ITM2B: variants seen among roughly 807,000 people sequenced by gnomAD.
The protein encoded by ITM2B is integral membrane protein 2B.
In ITM2B, 11 loss-of-function variants were observed where a neutral mutation model predicts 27.8. The observed-to-expected ratio is 0.40, with a 90% confidence interval of 0.25 to 0.66. The LOEUF is 0.66. Ranked by LOEUF, ITM2B falls within the 30% of genes least tolerant of loss-of-function variation. The pLI is 0.43. For missense variants in ITM2B, 296 were observed against 328.9 expected (o/e 0.90, Z 0.77); for synonymous variants, 114 against 114.3 (o/e 1.00, Z 0.02).
At position 48,264,571 on chromosome 13, in the gene ITM2B, G is replaced by A. The variant is rs1348525918; in HGVS notation, c.*3347G>A. 1 of 152,110 alleles carries A rather than the reference G, an allele frequency of 6.6e-6. No homozygotes were observed. The highest frequency in any genetic ancestry group is 1.5e-5 in the Non-Finnish European group (1 of 68,018). 9.4% of individuals were successfully genotyped at this position (152,110 alleles called of 1,614,324 possible). A position where few individuals can be genotyped will look rare whatever the true frequency, so the allele number is the denominator to read the frequency against. The stretch of plus-strand genomic sequence containing the variant: ...TACTAGACATCTTCTCTTCCACCTA[G>A]CAAAGAGTTTGTTGCCCAGAGTTAT... On this transcript the variant is annotated 3_prime_UTR_variant, in exon 6 of 6. Coordinates refer to ENST00000647800, the MANE Select transcript of ITM2B (RefSeq NM_021999.5).
chr13:48,251,292 T>C (rs1951754528), intron 1 of ITM2B, among the ~76,000 whole-genome samples: 1 of 152,220 alleles, frequency 6.6e-6, no homozygotes, highest in African/African-American at 2.4e-5. Context: ...GCTGAGGTAA[T>C]GAGTATTTGT....
At chr13:48,242,457 C>G (rs1180387832) in intron 1 of ITM2B, among the ~76,000 whole-genome samples, 1 of 151,558 alleles carries the variant, frequency 6.6e-6, no homozygotes, top group Non-Finnish European at 1.5e-5. Flanking sequence ...TTTTCTATTC[C>G]AGACTGGTTG....
At position 48,261,253 on chromosome 13, in the gene ITM2B, A is replaced by G; in HGVS notation, c.*29A>G. On this transcript the variant is annotated 3_prime_UTR_variant, in exon 6 of 6. Transcript: ENST00000647800. ...GTCAAGAAAAACATTATTGAGGAAAATTAATATCACAGCATAACCCCACCC... is the reference window on the plus strand; with the variant it reads ...GTCAAGAAAAACATTATTGAGGAAAGTTAATATCACAGCATAACCCCACCC... The G allele has an allele frequency of 6.9e-7, 1 of 1,446,610 alleles. No individual in the cohort carries two copies. Among genetic ancestry groups the G allele is most frequent in the South Asian group, 1.1e-5 (1 of 87,246 alleles). 89.6% of individuals were successfully genotyped at this position (1,446,610 alleles called of 1,614,324 possible). A position where few individuals can be genotyped will look rare whatever the true frequency, so the allele number is the denominator to read the frequency against.
intron 1 of ITM2B, among the ~76,000 whole-genome samples, chr13:48,248,129 AC>A (rs1291764440): frequency 6.6e-6 from 1 of 152,160 alleles, no homozygotes; most frequent in African/African-American, 2.4e-5. Flanking sequence ...CACACAAAAT[AC>A]AGAGAACCTG....
At chr13:48,246,823 T>A (rs1292521383) in intron 1 of ITM2B, among the ~76,000 whole-genome samples, 1 of 151,798 alleles carries the variant, frequency 6.6e-6, no homozygotes, top group East Asian at 1.9e-4. Context: ...TGATGGGAAA[T>A]TTAGTTTTTG....
rs187222759 is a variant in ITM2B, at chr13:48,268,324, C to T, written c.*7100C>T. 1 of 148,808 alleles carries T rather than the reference C, an allele frequency of 6.7e-6. No individual in the cohort carries two copies. The highest frequency in any genetic ancestry group is 1.5e-5 in the Non-Finnish European group (1 of 67,434). 9.2% of individuals were successfully genotyped at this position (148,808 alleles called of 1,614,324 possible). A position where few individuals can be genotyped will look rare whatever the true frequency, so the allele number is the denominator to read the frequency against. ...ATTTTTTATTTTTTTTTTTTTGAGA[C>T]AGAGTCTGGCTCTGTCAACTCAGGC... On this transcript the variant is annotated 3_prime_UTR_variant, in exon 6 of 6. Transcript: ENST00000647800.
At chr13:48,246,368 C>T (rs1951724802) in intron 1 of ITM2B, among the ~76,000 whole-genome samples, 1 of 152,152 alleles carries the variant, frequency 6.6e-6, no homozygotes, top group East Asian at 1.9e-4. Context: ...AAGACAGCAG[C>T]AATCTCATTT....
rs1951861491 is a variant in ITM2B at position 48,267,836 on chromosome 13, C to T, written c.*6612C>T. On this transcript the variant is annotated 3_prime_UTR_variant, in exon 6 of 6. Transcript: ENST00000647800. ...GGTGCTTAGATTAATTACTTTCAGC[C>T]TAGGTTTTTCTGTATATCACCCTTT... 1.3e-5 allele frequency: 2 copies of T among 152,162 alleles called. No homozygotes were observed. The highest frequency in any genetic ancestry group is 4.1e-4 in the South Asian group (2 of 4,828). The allele number at this position is 152,162 out of a possible 1,614,324, so 9.4% of individuals were successfully genotyped here.
chr13:48,249,167 T>G (rs1031644426), intron 1 of ITM2B, among the ~76,000 whole-genome samples: 2 of 152,222 alleles, frequency 1.3e-5, no homozygotes, highest in Admixed American at 1.3e-4. Flanking sequence ...GTAGTCAGTC[T>G]CCCCTTCCCC....
intron 1 of ITM2B, among the ~76,000 whole-genome samples, chr13:48,249,316 T>G (rs948632653): frequency 4.6e-5 from 7 of 152,226 alleles, no homozygotes; most frequent in Non-Finnish European, 1.0e-4. Context: ...TGGTGTGTGT[T>G]ATTTTGTTCC....
chr13:48,236,143 T>G lies in ITM2B; in HGVS notation c.117+2666T>G, dbSNP rs1593387091. Among the ~76,000 whole-genome samples, 3 of 152,228 alleles carry G rather than the reference T, an allele frequency of 2.0e-5. No individual in the cohort carries two copies. In the East Asian group the frequency reaches 5.8e-4, roughly 29 times the overall value. ...ATCTCAACTAGCTTGCTGTTTATTCTTTTCCTGCATTTTCCCCTTAATTGT... is the reference window on the plus strand; with the variant it reads ...ATCTCAACTAGCTTGCTGTTTATTCGTTTCCTGCATTTTCCCCTTAATTGT... On this transcript the variant is annotated intron_variant, in intron 1 of 5. Transcript: ENST00000647800.
chr13:48,258,678 T>A (rs940398055), intron 4 of ITM2B, 119 bp from the exon 5 acceptor site: 24 of 865,888 alleles, frequency 2.8e-5, no homozygotes, highest in Non-Finnish European at 4.6e-5. Flanking sequence ...AAACAGATGG[T>A]GGGTAGTAGT....
intron 1 of ITM2B, among the ~76,000 whole-genome samples, chr13:48,240,182 T>C (rs543392164): frequency 2.0e-5 from 3 of 152,212 alleles, no homozygotes; most frequent in Non-Finnish European, 4.4e-5. Flanking sequence ...AGTTAAAAAT[T>C]AGTAGATTTC....
In ITM2B at chr13:48,261,977, C is replaced by G. The variant is rs928893289; in HGVS notation, c.*753C>G. The stretch of plus-strand genomic sequence containing the variant: ...GAAGAAACTATTTTTTAAAAATTCA[C>G]TTCTATATATACAATGAGTAAAATC... On this transcript the variant is annotated 3_prime_UTR_variant, in exon 6 of 6. Coordinates refer to ENST00000647800, the MANE Select transcript of ITM2B (RefSeq NM_021999.5). The G allele has an allele frequency of 2.6e-5, 4 of 152,296 alleles. No homozygotes were observed. Among genetic ancestry groups the G allele is most frequent in the Admixed American group, 2.6e-4 (4 of 15,256 alleles). 9.4% of individuals were successfully genotyped at this position (152,296 alleles called of 1,614,324 possible). A position where few individuals can be genotyped will look rare whatever the true frequency, so the allele number is the denominator to read the frequency against.
chr13:48,267,009 G>C lies in ITM2B; in HGVS notation c.*5785G>C, dbSNP rs61072505. The C allele has an allele frequency of 1.3e-5, 2 of 152,112 alleles. No homozygotes were observed. The highest frequency in any genetic ancestry group is 4.8e-5 in the African/African-American group (2 of 41,410). 9.4% of individuals were successfully genotyped at this position (152,112 alleles called of 1,614,324 possible). ...GCACTACATTTTAAAATGTAGGGGGGATTTTTGATTGTCACAGGACTAGAG... is the reference window on the plus strand; with the variant it reads ...GCACTACATTTTAAAATGTAGGGGGCATTTTTGATTGTCACAGGACTAGAG... On this transcript the variant is annotated 3_prime_UTR_variant, in exon 6 of 6. Coordinates refer to ENST00000647800, the MANE Select transcript of ITM2B (RefSeq NM_021999.5).
chr13:48,268,042 C>T lies in ITM2B; in HGVS notation c.*6818C>T, dbSNP rs1413107610. 6.6e-6 allele frequency: 1 copy of T among 152,204 alleles called. No individual in the cohort carries two copies. The highest frequency in any genetic ancestry group is 1.5e-5 in the Non-Finnish European group (1 of 68,040). The allele number at this position is 152,204 out of a possible 1,614,324, so 9.4% of individuals were successfully genotyped here. A position where few individuals can be genotyped will look rare whatever the true frequency, so the allele number is the denominator to read the frequency against. On this transcript the variant is annotated 3_prime_UTR_variant, in exon 6 of 6. Transcript: ENST00000647800. ...TTGCCCCAGAAAATACCATTGTGCTCCTTTCCGGCAAATATTCCTTCCCTC... is the reference window on the plus strand; with the variant it reads ...TTGCCCCAGAAAATACCATTGTGCTTCTTTCCGGCAAATATTCCTTCCCTC...
At chr13:48,256,689 G>C (rs905574033) in intron 3 of ITM2B, among the ~76,000 whole-genome samples, 1 of 152,050 alleles carries the variant, frequency 6.6e-6, no homozygotes, top group Non-Finnish European at 1.5e-5. Flanking sequence ...TTATGTTCCT[G>C]TTTCTTGGTA....
intron 1 of ITM2B, among the ~76,000 whole-genome samples, chr13:48,237,205 G>C (rs2137977730): frequency 6.6e-6 from 1 of 152,264 alleles, no homozygotes; most frequent in African/African-American, 2.4e-5. Context: ...GCTCTCAAGG[G>C]ATTGAGAGCT....
At chr13:48,238,901 A>G (rs1010622128) in intron 1 of ITM2B, among the ~76,000 whole-genome samples, 3 of 152,228 alleles carry the variant, frequency 2.0e-5, no homozygotes, top group Non-Finnish European at 4.4e-5. Context: ...AGAGCAGTCA[A>G]GATGCAAATT....
Sources: allele counts gnomAD v4.1 joint callset (sites outside exome capture counted in the v4.1 genomes callset), GRCh38; gene constraint gnomAD v4.1.1; transcripts MANE v1.5; gene names NCBI Gene and HGNC (gene_info 2026-07-23, HGNC 2026-07-21).